The following PTGES3L variants were observed in gnomAD, a reference collection of about 807,000 sequenced individuals.
The protein encoded by PTGES3L is prostaglandin E synthase 3 like.
A neutral mutation model predicts 25.0 loss-of-function variants in PTGES3L; 17 were observed. The ratio of observed to expected loss-of-function variants is 0.68; its 90% CI spans 0.47 to 1.02. PTGES3L has a LOEUF of 1.02. Ranked by LOEUF, PTGES3L falls within the 50% of genes least tolerant of loss-of-function variation. PTGES3L has a pLI of 0.00. For missense variants in PTGES3L, 202 were observed against 197.5 expected (o/e 1.02, Z -0.14); for synonymous variants, 59 against 65.7 (o/e 0.90, Z 0.50).
intron 4 of PTGES3L, among the ~76,000 whole-genome samples, chr17:42,977,337 A>G (rs991102901): frequency 3.9e-5 from 6 of 151,960 alleles, no homozygotes; most frequent in Non-Finnish European, 7.4e-5. Flanking sequence ...GAGGAAGGAG[A>G]ATCACTTGAA....
At chr17:42,972,323 C>T (rs1209451884) in intron 4 of PTGES3L, among the ~76,000 whole-genome samples, 3 of 145,956 alleles carry the variant, frequency 2.1e-5, no homozygotes, top group South Asian at 2.4e-4. Flanking sequence ...CTCCCTCTCC[C>T]CCTCCCCCTC....
chr17:42,973,888 C>T (rs1175894367), intron 4 of PTGES3L, among the ~76,000 whole-genome samples: 3 of 140,542 alleles, frequency 2.1e-5, no homozygotes, highest in African/African-American at 5.3e-5. Context: ...CCTAGGAAAA[C>T]CAGAGACCTT....
chr17:42,977,364 T>C (rs2049972069), intron 4 of PTGES3L, among the ~76,000 whole-genome samples: 1 of 151,068 alleles, frequency 6.6e-6, no homozygotes, highest in African/African-American at 2.4e-5. Flanking sequence ...AGACAGAGGT[T>C]GCAGTGAGCT....
At chr17:42,974,832 C>T (rs928816153) in intron 4 of PTGES3L, among the ~76,000 whole-genome samples, 1 of 150,858 alleles carries the variant, frequency 6.6e-6, no homozygotes, top group Non-Finnish European at 1.5e-5. Flanking sequence ...CAGCTTGGCA[C>T]TGGGTTTATA....
chr17:42,976,387 C>CT (rs570830165), intron 4 of PTGES3L, among the ~76,000 whole-genome samples: 9 of 151,360 alleles, frequency 5.9e-5, no homozygotes, highest in Admixed American at 1.3e-4. Flanking sequence ...AAAATAATTT[C>CT]TTTTTTTTTG....
At chr17:42,971,879 G>A in intron 4 of PTGES3L, 183 bp from the exon 5 acceptor site, 1 of 584,230 alleles carries the variant, frequency 1.7e-6, no homozygotes, top group Non-Finnish European at 3.0e-6. Context: ...GCATGATAGA[G>A]TCTGAAAATC....
At chr17:42,970,626 TTTTA>T (rs1387117158) in intron 5 of PTGES3L, among the ~76,000 whole-genome samples, 1 of 151,542 alleles carries the variant, frequency 6.6e-6, no homozygotes, top group African/African-American at 2.4e-5. Flanking sequence ...TGATGTGAGT[TTTTA>T]TACTGCTAGT....
chr17:42,977,425 CA>C (rs34866238), intron 4 of PTGES3L, among the ~76,000 whole-genome samples: 26 of 134,112 alleles, frequency 1.9e-4, no homozygotes, highest in African/African-American at 5.4e-4. Flanking sequence ...GACTCTATCT[CA>C]AAAAAAAAAA....
chr17:42,971,556 A>G (rs554172487), intron 5 of PTGES3L, 51 bp downstream of exon 5: 4 of 1,603,850 alleles, frequency 2.5e-6, no homozygotes, highest in Non-Finnish European at 3.4e-6. Context: ...GTGTGCAGAG[A>G]AACACAAAGA....
At chr17:42,978,808 C>G (rs1458228192) in intron 4 of PTGES3L, among the ~76,000 whole-genome samples, 1 of 152,102 alleles carries the variant, frequency 6.6e-6, no homozygotes, top group Non-Finnish European at 1.5e-5. Flanking sequence ...CGAGACCAGC[C>G]TGAGCAACAA....
At chr17:42,978,056 A>C (rs1484126130) in intron 4 of PTGES3L, among the ~76,000 whole-genome samples, 1 of 141,496 alleles carries the variant, frequency 7.1e-6, no homozygotes, top group African/African-American at 2.7e-5. Context: ...CAGCCTGGGC[A>C]ACAAGAGCGA....
intron 4 of PTGES3L, among the ~76,000 whole-genome samples, chr17:42,978,939 A>G (rs1051535577): frequency 3.9e-5 from 6 of 152,026 alleles, no homozygotes; most frequent in Non-Finnish European, 8.8e-5. Context: ...GGCGGAGGCC[A>G]TGGTGAGCTG....
At chr17:42,969,507 A>C (rs1471012896) in intron 6 of PTGES3L, among the ~76,000 whole-genome samples, 2 of 148,896 alleles carry the variant, frequency 1.3e-5, no homozygotes, top group Non-Finnish European at 3.0e-5. Context: ...TCACAGTCTC[A>C]AGCGATCCTC....
At chr17:42,978,402 C>T (rs911357587) in intron 4 of PTGES3L, among the ~76,000 whole-genome samples, 3 of 152,050 alleles carry the variant, frequency 2.0e-5, no homozygotes, top group African/African-American at 7.2e-5. Context: ...AGTGAGAATC[C>T]ATCTCACACA....
chr17:42,970,172 T>G, intron 6 of PTGES3L, 117 bp downstream of exon 6: 3 of 1,224,774 alleles, frequency 2.4e-6, no homozygotes, highest in South Asian at 1.4e-5. Flanking sequence ...CAAACTCAAA[T>G]TTGGTTAACA....
chr17:42,968,963 T>C lies in PTGES3L; in HGVS notation c.*185A>G, dbSNP rs941583523. On this transcript the variant is annotated 3_prime_UTR_variant, in exon 7 of 7. Coordinates refer to ENST00000591916, the MANE Select transcript of PTGES3L (RefSeq NM_001261430.2). ...CGACCCTGCATCTGATGTGGAGCCA[T>C]AGTCAAGTGCCTAGGAGGAAGACAA... The C allele has an allele frequency of 5.6e-6, 3 of 540,286 alleles. No individual in the cohort carries two copies. Among genetic ancestry groups the C allele is most frequent in the South Asian group, 2.8e-5 (1 of 35,808 alleles). 33.5% of individuals were successfully genotyped at this position (540,286 alleles called of 1,614,324 possible). A position where few individuals can be genotyped will look rare whatever the true frequency, so the allele number is the denominator to read the frequency against.
At chr17:42,973,703 T>C (rs2049901233) in intron 4 of PTGES3L, among the ~76,000 whole-genome samples, 2 of 148,580 alleles carry the variant, frequency 1.3e-5, no homozygotes, top group Admixed American at 6.8e-5. Flanking sequence ...CCCCCAACCC[T>C]GTGCTCTCTG....
intron 4 of PTGES3L, among the ~76,000 whole-genome samples, chr17:42,977,261 A>G (rs2049970481): frequency 6.6e-6 from 1 of 152,100 alleles, no homozygotes; most frequent in South Asian, 2.1e-4. Flanking sequence ...CCCTGTCTCT[A>G]TTAAAAATAC....
intron 4 of PTGES3L, among the ~76,000 whole-genome samples, chr17:42,974,003 TA>T (rs71157688): frequency 2.5e-4 from 37 of 145,374 alleles, no homozygotes; most frequent in Admixed American, 9.7e-4. Context: ...AAAAATAAAT[TA>T]AAAAAAAATA....
Sources: gnomAD v4.1 joint callset for allele counts (sites outside exome capture counted in the v4.1 genomes callset) on GRCh38, gnomAD v4.1.1 for gene constraint, MANE v1.5 for transcripts, NCBI Gene and HGNC (gene_info 2026-07-23, HGNC 2026-07-21) for gene names.